Variants in PPARGC1A observed in about 807,000 individuals in gnomAD.
The protein encoded by PPARGC1A is PPARG coactivator 1 alpha.
In PPARGC1A, 25 loss-of-function variants were observed where a neutral mutation model predicts 88.7. The observed-to-expected ratio is 0.28, with a 90% CI of 0.21 to 0.39. PPARGC1A has a LOEUF of 0.39. Among genes scored for constraint, PPARGC1A ranks in the 10% least tolerant of loss-of-function variants. The pLI, the probability that PPARGC1A is intolerant of heterozygous loss-of-function variation, is 1.00. For missense variants in PPARGC1A, 880 were observed against 968.7 expected, an observed-to-expected ratio of 0.91 and a Z score of 1.22; for synonymous variants, 363 against 355.6, an observed-to-expected ratio of 1.02 and a Z score of -0.24.
At chr4:24,161,501 C>T in the PPARGC1A span, among the ~76,000 whole-genome samples, 3 of 152,232 alleles carry the variant, frequency 2.0e-5, no homozygotes, top group South Asian at 4.1e-4. Flanking sequence ...GCCCCCAAAC[C>T]CCAGTTTCCT....
At chr4:24,037,268 GTCTT>G in the PPARGC1A span, among the ~76,000 whole-genome samples, 1 of 152,040 alleles carries the variant, frequency 6.6e-6, no homozygotes, top group African/African-American at 2.4e-5. Flanking sequence ...ACTTCATATG[GTCTT>G]TCTGAGATAT....
chr4:24,046,170 C>T, the PPARGC1A span, among the ~76,000 whole-genome samples: 1 of 152,134 alleles, frequency 6.6e-6, no homozygotes, highest in Admixed American at 6.5e-5. Flanking sequence ...ACATATGTCC[C>T]TATAATGGTT....
chr4:24,048,491 C>G, the PPARGC1A span, among the ~76,000 whole-genome samples: 1 of 152,144 alleles, frequency 6.6e-6, no homozygotes, highest in African/African-American at 2.4e-5. Flanking sequence ...TTAGTAAACA[C>G]AGTTTATGGC....
chr4:24,149,199 G>A, the PPARGC1A span, among the ~76,000 whole-genome samples: 1 of 152,122 alleles, frequency 6.6e-6, no homozygotes, highest in Non-Finnish European at 1.5e-5. Context: ...TTTTCTATAT[G>A]AGTACAGTTT....
the PPARGC1A span, among the ~76,000 whole-genome samples, chr4:24,333,706 G>C: frequency 1.3e-5 from 2 of 152,006 alleles, no homozygotes; most frequent in Non-Finnish European, 2.9e-5. Flanking sequence ...GGCCAAGGAG[G>C]GAGGATCACC....
the PPARGC1A span, among the ~76,000 whole-genome samples, chr4:24,081,436 A>G: frequency 7.2e-5 from 11 of 152,260 alleles, no homozygotes; most frequent in South Asian, 1.7e-3. Flanking sequence ...AAAGTGGTAC[A>G]CAAAATTATG....
intron 2 of PPARGC1A, among the ~76,000 whole-genome samples, chr4:23,860,908 AC>A (rs1039608450): frequency 3.3e-5 from 5 of 151,938 alleles, no homozygotes; most frequent in Non-Finnish European, 5.9e-5. Flanking sequence ...TTCTTATAAA[AC>A]CCCCTTGGGA....
the PPARGC1A span, among the ~76,000 whole-genome samples, chr4:24,208,202 G>A: frequency 6.6e-6 from 1 of 152,120 alleles, no homozygotes; most frequent in Non-Finnish European, 1.5e-5. Context: ...AGGAGCATAT[G>A]AGCCTTGGAG....
chr4:23,918,471 G>A, the PPARGC1A span, among the ~76,000 whole-genome samples: 1 of 151,896 alleles, frequency 6.6e-6, no homozygotes, highest in South Asian at 2.1e-4. Context: ...AGGTCACCTC[G>A]GCCTCTCAAA....
chr4:23,871,002 G>A (rs955803988), intron 2 of PPARGC1A, among the ~76,000 whole-genome samples: 4 of 151,288 alleles, frequency 2.6e-5, no homozygotes, highest in Non-Finnish European at 4.4e-5. Context: ...TCCTATTGGA[G>A]GGTATCATCC....
At chr4:23,977,020 G>A in the PPARGC1A span, among the ~76,000 whole-genome samples, 1 of 151,810 alleles carries the variant, frequency 6.6e-6, no homozygotes, top group African/African-American at 2.4e-5. Flanking sequence ...GAGAGAGGAG[G>A]AGGAAAAGGA....
At chr4:23,872,257 G>A (rs1304667765) in intron 2 of PPARGC1A, among the ~76,000 whole-genome samples, 1 of 152,172 alleles carries the variant, frequency 6.6e-6, no homozygotes, top group Non-Finnish European at 1.5e-5. Flanking sequence ...TTGCACACTG[G>A]TTAAAGAACT....
chr4:23,897,858 T>G (rs887200621), intron 1 of PPARGC1A, among the ~76,000 whole-genome samples: 1 of 152,320 alleles, frequency 6.6e-6, no homozygotes, highest in Non-Finnish European at 1.5e-5. Context: ...GCTTTCATCT[T>G]GTTTATCATT....
chr4:23,961,690 G>A, the PPARGC1A span, among the ~76,000 whole-genome samples: 43 of 151,604 alleles, frequency 2.8e-4, no homozygotes, highest in African/African-American at 7.8e-4. Context: ...CATGTTCTTC[G>A]CCTCCCACAA....
At chr4:24,118,351 A>C in the PPARGC1A span, among the ~76,000 whole-genome samples, 5 of 152,112 alleles carry the variant, frequency 3.3e-5, no homozygotes, top group African/African-American at 4.8e-5. Flanking sequence ...AGAAAATTAA[A>C]AGAAAAAAAC....
chr4:23,813,974 T>G lies in PPARGC1A; in HGVS notation c.1509A>C (p.Ser503=), dbSNP rs1449892596. 3.1e-6 allele frequency: 5 copies of G among 1,614,144 alleles called. No homozygotes were observed. In the East Asian group the frequency reaches 1.1e-4, roughly 36 times the overall value. The change falls in exon 8 of 13, where the codon TCA becomes TCC. Residue 503 remains serine, a synonymous_variant. Coordinates refer to ENST00000264867, the MANE Select transcript of PPARGC1A (RefSeq NM_013261.5). ...QFSKLPMFIN[S]GLAMDGLFDD... ...CAAACAGGCCATCCATGGCTAGTCC[T>G]GAATTTATAAACATAGGTAGTTTGG... is the stretch of plus-strand genomic sequence containing the variant.
At chr4:24,127,546 C>G in the PPARGC1A span, among the ~76,000 whole-genome samples, 2 of 152,050 alleles carry the variant, frequency 1.3e-5, no homozygotes, top group African/African-American at 2.4e-5. Flanking sequence ...TATACACACA[C>G]ACACGTGCGC....
chr4:24,266,969 C>T, the PPARGC1A span, among the ~76,000 whole-genome samples: 8 of 152,008 alleles, frequency 5.3e-5, no homozygotes, highest in South Asian at 4.1e-4. Flanking sequence ...ACTTTTTTCC[C>T]TTGTTCAACC....
the PPARGC1A span, among the ~76,000 whole-genome samples, chr4:24,438,355 C>T: frequency 3.3e-5 from 5 of 152,066 alleles, no homozygotes; most frequent in African/African-American, 1.2e-4. Context: ...CCACCAGAGG[C>T]GAGGGTATGA....
Sources: gnomAD v4.1 joint callset for allele counts (sites outside exome capture counted in the v4.1 genomes callset) on GRCh38, gnomAD v4.1.1 for gene constraint, MANE v1.5 for transcripts, NCBI Gene and HGNC (gene_info 2026-07-23, HGNC 2026-07-21) for gene names.